SCIN: variants seen among roughly 807,000 people sequenced by gnomAD.
SCIN encodes scinderin.
SCIN carries 91 observed loss-of-function variants against 91.8 expected under a neutral mutation model. That is an observed-to-expected ratio of 0.99 (90% CI 0.84 to 1.18). The LOEUF is 1.18. Ranked by LOEUF, SCIN falls within the 50% of genes most tolerant of loss-of-function variation. The pLI, the probability that SCIN is intolerant of heterozygous loss-of-function variation, is 0.00. For synonymous variants in SCIN, 367 were observed against 312.6 expected (o/e 1.17, Z -1.84); for missense variants, 1,087 against 863.9 (o/e 1.26, Z -3.24).
intron 4 of SCIN, among the ~76,000 whole-genome samples, chr7:12,611,990 C>T (rs948452824): frequency 6.6e-6 from 1 of 151,650 alleles, no homozygotes; most frequent in Non-Finnish European, 1.5e-5. Context: ...AAAAATAAGT[C>T]ATTAAACTAT....
Position 12,636,087 on chromosome 7 carries a change from GT to G in SCIN, c.1364del (p.Phe455SerfsTer2). The G allele has an allele frequency of 6.2e-7, 1 of 1,613,044 alleles. No individual in the cohort carries two copies. Among genetic ancestry groups the G allele is most frequent in the Non-Finnish European group, 8.5e-7 (1 of 1,179,638 alleles). On this transcript the variant is annotated frameshift_variant, in exon 10 of 16. Transcript: ENST00000297029. LOFTEE classifies it high-confidence loss of function. Reference protein sequence around the residue: ...ATRDELTTSAFLTVQLDRSLG... With the variant: ...ATRDELTTSAXLTVQLDRSLG... ...CACGAGATGAGCTGACAACATCTGC[GT>G]TCCTGACTGTTCAGTTGGATCGGTC...
chr7:12,639,305 C>T (rs1783812577), intron 10 of SCIN, among the ~76,000 whole-genome samples: 1 of 152,188 alleles, frequency 6.6e-6, no homozygotes, highest in African/African-American at 2.4e-5. Context: ...CAAAACGTTT[C>T]CATAATTTGC....
intron 4 of SCIN, among the ~76,000 whole-genome samples, chr7:12,610,518 G>A (rs914928643): frequency 2.0e-5 from 3 of 152,154 alleles, no homozygotes; most frequent in Non-Finnish European, 2.9e-5. Context: ...TTGCCCACTC[G>A]TATTTGGATA....
chr7:12,595,353 G>T (rs529494312), intron 3 of SCIN, among the ~76,000 whole-genome samples: 1 of 152,056 alleles, frequency 6.6e-6, no homozygotes, highest in African/African-American at 2.4e-5. Flanking sequence ...CACGTTTCTC[G>T]TGACCTCCCC....
At chr7:12,639,746 G>A (rs906556250) in intron 10 of SCIN, among the ~76,000 whole-genome samples, 1 of 152,044 alleles carries the variant, frequency 6.6e-6, no homozygotes, top group South Asian at 2.1e-4. Context: ...AAGTTAAAAA[G>A]TAGAAAACAT....
chr7:12,617,439 A>G (rs1381572386), intron 4 of SCIN, among the ~76,000 whole-genome samples: 1 of 152,114 alleles, frequency 6.6e-6, no homozygotes, highest in African/African-American at 2.4e-5. Flanking sequence ...CCCCAAAGGC[A>G]AGTTTCGGAA....
chr7:12,601,023 A>C (rs1233841524), intron 3 of SCIN, among the ~76,000 whole-genome samples: 1 of 152,248 alleles, frequency 6.6e-6, no homozygotes, highest in Non-Finnish European at 1.5e-5. Flanking sequence ...ATAGAAGTGC[A>C]CTATTCTTTT....
intron 3 of SCIN, among the ~76,000 whole-genome samples, chr7:12,603,289 T>G (rs1259460868): frequency 6.6e-5 from 10 of 151,660 alleles, no homozygotes; most frequent in African/African-American, 2.2e-4. Flanking sequence ...GGACTACAGG[T>G]GCCCGCCACT....
At position 12,651,947 on chromosome 7, in the gene SCIN, A is replaced by G; in HGVS notation, c.2020+46A>G. On this transcript the variant is annotated intron_variant, in intron 15 of 15. Transcript: ENST00000297029. The surrounding 1 kb of genome is among the most constrained non-coding windows in gnomAD (Gnocchi z 5.9). ...ATTATAGCAGTAACCGGGCACCATT[A>G]TGACCGAGTGTCTGGCTTGCTCTTT... 1 of 1,311,596 alleles carries G rather than the reference A, an allele frequency of 7.6e-7. No individual in the cohort carries two copies. Among genetic ancestry groups the G allele is most frequent in the Non-Finnish European group, 1.1e-6 (1 of 924,076 alleles). 81.2% of individuals were successfully genotyped at this position (1,311,596 alleles called of 1,614,324 possible). A position where few individuals can be genotyped will look rare whatever the true frequency, so the allele number is the denominator to read the frequency against.
At chr7:12,595,634 G>A (rs996161522) in intron 3 of SCIN, 8 of 151,422 alleles carry the variant, frequency 5.3e-5, no homozygotes, top group Admixed American at 2.0e-4. Flanking sequence ...AAGATGTTAC[G>A]ATTTGTACTT....
intron 11 of SCIN, 26 bp from the exon 12 acceptor site, chr7:12,644,112 T>C: frequency 6.3e-7 from 1 of 1,589,314 alleles, no homozygotes; most frequent in South Asian, 1.1e-5. Context: ...ATTTGAATCA[T>C]TGTTTTATTT....
At chr7:12,584,007 T>C (rs1782538848) in intron 3 of SCIN, among the ~76,000 whole-genome samples, 1 of 152,284 alleles carries the variant, frequency 6.6e-6, no homozygotes, top group East Asian at 1.9e-4. Context: ...TCAAAAGGGA[T>C]ACCCTGGTGA....
chr7:12,645,340 A>G (rs1439395835), intron 13 of SCIN, among the ~76,000 whole-genome samples: 2 of 152,132 alleles, frequency 1.3e-5, no homozygotes, highest in South Asian at 2.1e-4. Flanking sequence ...AAAAAACACA[A>G]AAAACAAAAA....
At chr7:12,599,370 AGTGTGTGTGTGT>A (rs10659954) in intron 3 of SCIN, among the ~76,000 whole-genome samples, 3 of 149,234 alleles carry the variant, frequency 2.0e-5, no homozygotes, top group Non-Finnish European at 4.5e-5. Context: ...TTTCATGGTG[AGTGTGTGTGTGT>A]GTGTGTGTGT....
At chr7:12,635,941 T>C in intron 9 of SCIN, 104 bp from the exon 10 acceptor site, 1 of 820,880 alleles carries the variant, frequency 1.2e-6, no homozygotes, top group South Asian at 1.5e-5. Flanking sequence ...AACAGTTCGC[T>C]TCTTCTTGAT....
Position 12,653,139 on chromosome 7 carries a change from C to G in SCIN, c.*424C>G, listed in dbSNP as rs1784116686. On this transcript the variant is annotated 3_prime_UTR_variant, in exon 16 of 16. Coordinates refer to ENST00000297029, the MANE Select transcript of SCIN (RefSeq NM_001112706.3). This position sits in a 1 kb window ranked among gnomAD's most constrained non-coding sequence, Gnocchi z 4.1. ...AAAAAAATTAACCTCAACCAAACGC[C>G]TATTTTTTAATGCTTAGTTTTGGCT... is the stretch of plus-strand genomic sequence containing the variant. The G allele has an allele frequency of 6.6e-6, 1 of 152,236 alleles. No homozygotes were observed. Among genetic ancestry groups the G allele is most frequent in the Admixed American group, 6.6e-5 (1 of 15,238 alleles). The allele number at this position is 152,236 out of a possible 1,614,324, so 9.4% of individuals were successfully genotyped here. A position where few individuals can be genotyped will look rare whatever the true frequency, so the allele number is the denominator to read the frequency against.
chr7:12,643,376 C>A (rs1223905118), intron 11 of SCIN, among the ~76,000 whole-genome samples: 5 of 152,150 alleles, frequency 3.3e-5, no homozygotes, highest in Non-Finnish European at 7.4e-5. Flanking sequence ...TCCTCTGTAC[C>A]CATAATGAGA....
chr7:12,598,187 A>G (rs1201009988), intron 3 of SCIN, among the ~76,000 whole-genome samples: 1 of 152,254 alleles, frequency 6.6e-6, no homozygotes. Flanking sequence ...TTTCTGTTGT[A>G]GTAATAGGTA....
chr7:12,626,380 T>C (rs1783522213), intron 7 of SCIN: 2 of 551,306 alleles, frequency 3.6e-6, no homozygotes, highest in Admixed American at 6.8e-5. Context: ...GGGTAACATA[T>C]TAAAGAACTT....
Sources: allele counts gnomAD v4.1 joint callset (sites outside exome capture counted in the v4.1 genomes callset), GRCh38; gene constraint gnomAD v4.1.1; non-coding constraint Gnocchi (gnomAD v3.1); transcripts MANE v1.5; gene names NCBI Gene and HGNC (gene_info 2026-07-23, HGNC 2026-07-21).